Variants in APC observed in about 807,000 individuals in gnomAD.
APC encodes the protein APC regulator of Wnt signaling pathway, also known as adenomatous polyposis coli protein.
Under a neutral mutation model 247.0 loss-of-function variants are expected in APC, and 72 were observed. The ratio of observed to expected loss-of-function variants is 0.29; its 90% confidence interval spans 0.24 to 0.35. The LOEUF (loss-of-function observed/expected upper bound fraction) is 0.35. Ranked by LOEUF, APC falls within the 10% of genes least tolerant of loss-of-function variation. The pLI is 1.00. For synonymous variants in APC, 1,254 were observed against 1,162.5 expected (o/e 1.08, Z -1.60); for missense variants, 3,400 against 3,360.7 (o/e 1.01, Z -0.29).
intron 14 of APC, among the ~76,000 whole-genome samples, chr5:112,834,247 T>A (rs1160213610): frequency 8.7e-6 from 1 of 114,844 alleles, no homozygotes; most frequent in East Asian, 3.8e-4. Flanking sequence ...CCTTTTTTTT[T>A]TTTTTTTTTT....
chr5:112,794,042 TA>T (rs77617586), intron 7 of APC, among the ~76,000 whole-genome samples: 6,454 of 86,918 alleles, frequency 0.074, 365 homozygotes, highest in East Asian at 0.23. Flanking sequence ...CTAAGTCTCT[TA>T]AAAAAAAAAA....
At chr5:112,733,312 T>G (rs1370871837), upstream of APC, among the ~76,000 whole-genome samples, 1 of 152,168 alleles carries the variant, frequency 6.6e-6, no homozygotes, top group Non-Finnish European at 1.5e-5. Flanking sequence ...AAAAGGGAAT[T>G]AAAATGGCTA....
chr5:112,843,591 T>A lies in APC; in HGVS notation c.7997T>A (p.Ile2666Asn), dbSNP rs2149997642. The A allele has an allele frequency of 5.0e-6, 8 of 1,613,968 alleles. No individual in the cohort carries two copies. The highest frequency in any genetic ancestry group is 6.8e-6 in the Non-Finnish European group (8 of 1,179,900). Residue 2666 changes from isoleucine to asparagine, a missense_variant, in exon 16 of 16, where the codon ATT (isoleucine) becomes AAT (asparagine). Transcript: ENST00000257430. The surrounding 1 kb of genome is among the most constrained non-coding windows in gnomAD (Gnocchi z 4.8). ...DVWVRIEDCP[I>N]NNPRSGRSPT... Reference sequence around the variant, plus strand: ...TGGGTGAGAATTGAGGACTGTCCCATTAACAATCCTAGATCTGGAAGATCT... The same window carrying A: ...TGGGTGAGAATTGAGGACTGTCCCAATAACAATCCTAGATCTGGAAGATCT...
chr5:112,740,058 A>G (rs943250441), intron 1 of APC, among the ~76,000 whole-genome samples: 1 of 151,264 alleles, frequency 6.6e-6, no homozygotes, highest in African/African-American at 2.5e-5. Context: ...CATACAAAAT[A>G]ATATATAACA....
At position 112,841,595 on chromosome 5, in the gene APC, A is replaced by G. The variant is rs1580666566; in HGVS notation, c.6001A>G (p.Lys2001Glu). 1 of 1,613,782 alleles carries G rather than the reference A, an allele frequency of 6.2e-7. No homozygotes were observed. The highest frequency in any genetic ancestry group is 8.5e-7 in the Non-Finnish European group (1 of 1,179,662). ...CCCTGACTCACAGGGAGAACCAAGT[A>G]AACCTCAAGCATCAGGCTATGCTCC... ...EPPDSQGEPS[K>E]PQASGYAPKS... The change falls in exon 16 of 16, where the codon AAA becomes GAA. Residue 2001 changes from lysine (K) to glutamate (E), a missense_variant. Lys to Glu is a moderately conservative substitution (Grantham distance 56). This residue lies in a region of APC where 1,788 missense variants were observed against 1,649.5 expected (regional missense o/e 1.08). Coordinates refer to ENST00000257430, the MANE Select transcript of APC (RefSeq NM_000038.6). The surrounding 1 kb of genome is among the most constrained non-coding windows in gnomAD (Gnocchi z 4.6).
intron 1 of APC, among the ~76,000 whole-genome samples, chr5:112,725,612 A>G (rs989664897): frequency 1.2e-4 from 18 of 151,008 alleles, no homozygotes; most frequent in Non-Finnish European, 1.9e-4. Context: ...AAAAAAAAAA[A>G]TAGCTGGGCT....
intron 1 of APC, among the ~76,000 whole-genome samples, chr5:112,730,151 A>G (rs1001910435): frequency 8.5e-5 from 13 of 152,232 alleles, no homozygotes; most frequent in Non-Finnish European, 1.6e-4. Context: ...TGTAGATTCT[A>G]AAAGGACATT....
At chr5:112,743,815 C>A (rs543758529) in intron 1 of APC, among the ~76,000 whole-genome samples, 1 of 152,176 alleles carries the variant, frequency 6.6e-6, no homozygotes, top group Non-Finnish European at 1.5e-5. Context: ...TCATCTCAAA[C>A]TTGATCCATT....
Position 112,838,341 on chromosome 5 carries a change from C to T in APC, c.2747C>T (p.Thr916Ile), listed in dbSNP as rs2149876548. The T allele has an allele frequency of 6.2e-7, 1 of 1,614,232 alleles. No individual in the cohort carries two copies. Among genetic ancestry groups the T allele is most frequent in the African/African-American group, 1.3e-5 (1 of 75,058 alleles). Residue 916 changes from threonine to isoleucine, a missense_variant, in exon 16 of 16, where the codon ACA becomes ATA. Physicochemically the swap from Thr to Ile is moderately conservative, Grantham distance 89 (BLOSUM62 -1). This residue lies in a region of APC where 715 missense variants were observed against 656.6 expected (regional missense o/e 1.09). Coordinates refer to ENST00000257430, the MANE Select transcript of APC (RefSeq NM_000038.6). ...TCTACCACTGAATTACATTGTGTGA[C>T]AGATGAGAGAAATGCACTTAGAAGA... ...SGSTTELHCV[T>I]DERNALRRSS...
In APC at chr5:112,844,331, A is replaced by G; in HGVS notation, c.*205A>G. The G allele has an allele frequency of 5.2e-6, 3 of 577,520 alleles. No homozygotes were observed. The highest frequency in any genetic ancestry group is 2.3e-5 in the South Asian group (1 of 44,406). The allele number at this position is 577,520 out of a possible 1,614,324, so 35.8% of individuals were successfully genotyped here. Reference sequence around the variant, plus strand: ...TTGGGAGGCACTCTTGATGGTTAGGAAAAAAATAGTAAAGCCAAGTATGTT... The same window carrying G: ...TTGGGAGGCACTCTTGATGGTTAGGGAAAAAATAGTAAAGCCAAGTATGTT... On this transcript the variant is annotated 3_prime_UTR_variant, in exon 16 of 16. Coordinates refer to ENST00000257430, the MANE Select transcript of APC (RefSeq NM_000038.6).
intron 1 of APC, chr5:112,707,973 C>T (rs556670066): frequency 4.1e-6 from 5 of 1,225,936 alleles, no homozygotes; most frequent in Non-Finnish European, 5.3e-6. Context: ...GTGCTCGGCC[C>T]GACTCTGTGG....
intron 13 of APC, among the ~76,000 whole-genome samples, chr5:112,828,479 A>G (rs1010682725): frequency 6.7e-6 from 1 of 148,960 alleles, no homozygotes. Flanking sequence ...AAAAAACAGG[A>G]TCTCCCTCTC....
intron 4 of APC, among the ~76,000 whole-genome samples, chr5:112,768,230 A>G (rs995153862): frequency 7.2e-5 from 11 of 151,940 alleles, no homozygotes; most frequent in African/African-American, 2.7e-4. Context: ...TTGAGTAGAG[A>G]CAGTGTTTCA....
At chr5:112,728,322 G>A (rs574334318) in intron 1 of APC, among the ~76,000 whole-genome samples, 25 of 152,018 alleles carry the variant, frequency 1.6e-4, no homozygotes, top group Non-Finnish European at 3.1e-4. Context: ...AGTAGAGACG[G>A]GGTTTCACCA....
At chr5:112,777,227 A>G (rs1304774087) in intron 5 of APC, among the ~76,000 whole-genome samples, 1 of 152,176 alleles carries the variant, frequency 6.6e-6, no homozygotes. Flanking sequence ...AAATGTTTAA[A>G]AACAATAAAA....
Position 112,839,062 on chromosome 5 carries a change from A to C in APC, c.3468A>C (p.Glu1156Asp), listed in dbSNP as rs878853440. 6.2e-7 allele frequency: 1 copy of C among 1,614,032 alleles called. No individual in the cohort carries two copies. Among genetic ancestry groups the C allele is most frequent in the Non-Finnish European group, 8.5e-7 (1 of 1,180,018 alleles). ...RYSEEEQHEE[E>D]ERPTNYSIKY... ...CTGAAGAAGAACAGCATGAAGAAGA[A>C]GAGAGACCAACAAATTATAGCATAA... The change falls in exon 16 of 16, where the codon GAA becomes GAC. Residue 1156 changes from glutamate (E) to aspartate (D), a missense_variant. Glu to Asp is a conservative substitution (Grantham distance 45). Coordinates refer to ENST00000257430, the MANE Select transcript of APC (RefSeq NM_000038.6). This position sits in a 1 kb window ranked among gnomAD's most constrained non-coding sequence, Gnocchi z 5.0.
chr5:112,721,488 A>C (rs1157683668), intron 1 of APC, among the ~76,000 whole-genome samples: 1 of 152,188 alleles, frequency 6.6e-6, no homozygotes, highest in Non-Finnish European at 1.5e-5. Context: ...TTTGGAGATG[A>C]CGCAGTTATT....
rs1182407299 is a variant in APC, at chr5:112,845,396, A to T, written c.*1270A>T. The T allele has an allele frequency of 4.3e-6, 1 of 232,974 alleles. No individual in the cohort carries two copies. The highest frequency in any genetic ancestry group is 8.5e-6 in the Non-Finnish European group (1 of 117,676). The allele number at this position is 232,974 out of a possible 1,614,324, so 14.4% of individuals were successfully genotyped here. The stretch of plus-strand genomic sequence containing the variant: ...CTGTACTTGAAATTGATTCTTAGAC[A>T]TTGCAGTCTCTTCGAGGCTTTACAG... On this transcript the variant is annotated 3_prime_UTR_variant, in exon 16 of 16. Transcript: ENST00000257430.
chr5:112,801,113 C>CTTA (rs1760768560), intron 7 of APC, among the ~76,000 whole-genome samples, 166 bp from the exon 8 acceptor site: 1 of 152,096 alleles, frequency 6.6e-6, no homozygotes, highest in African/African-American at 2.4e-5. Context: ...AGATAGTCGA[C>CTTA]CGCCAATCGT....
Sources: allele counts gnomAD v4.1 joint callset (sites outside exome capture counted in the v4.1 genomes callset), GRCh38; gene constraint gnomAD v4.1.1; regional missense constraint gnomAD v4.1.1; non-coding constraint Gnocchi (gnomAD v3.1); transcripts MANE v1.5; gene names NCBI Gene and HGNC (gene_info 2026-07-23, HGNC 2026-07-21).